MACROD2: variants seen among roughly 807,000 people sequenced by gnomAD.
MACROD2 encodes mono-ADP ribosylhydrolase 2.
In MACROD2, 36 loss-of-function variants were observed where a neutral mutation model predicts 70.4. The observed-to-expected ratio is 0.51, with a 90% CI of 0.39 to 0.68. The LOEUF (loss-of-function observed/expected upper bound fraction) is 0.68. Among genes scored for constraint, MACROD2 ranks in the 30% least tolerant of loss-of-function variants. The probability of loss-of-function intolerance (pLI) is 0.00; values close to 1 mark genes in which losing one functional copy is unlikely to be tolerated. For missense variants in MACROD2, 496 were observed against 538.4 expected (o/e 0.92, Z 0.78); for synonymous variants, 172 against 178.8 (o/e 0.96, Z 0.30).
chr20:15,853,981 G>A (rs145977282), intron 8 of MACROD2, among the ~76,000 whole-genome samples: 1 of 152,226 alleles, frequency 6.6e-6, no homozygotes, highest in East Asian at 1.9e-4. Context: ...ACAGGCAGCT[G>A]CTTCCATGGA....
At chr20:14,625,292 A>T (rs754337021) in intron 4 of MACROD2, among the ~76,000 whole-genome samples, 2 of 152,074 alleles carry the variant, frequency 1.3e-5, no homozygotes, top group South Asian at 4.2e-4. Flanking sequence ...GTGCCATTTA[A>T]CTCTAGCCTG....
intron 5 of MACROD2, among the ~76,000 whole-genome samples, chr20:15,021,245 T>TGTGC (rs2075176399): frequency 2.0e-4 from 2 of 10,114 alleles, no homozygotes; most frequent in Admixed American, 9.4e-4. Flanking sequence ...CACACCTGTG[T>TGTGC]GTATGTATAC....
intron 3 of MACROD2, among the ~76,000 whole-genome samples, chr20:14,392,515 T>A (rs1202284419): frequency 6.6e-6 from 1 of 152,206 alleles, no homozygotes; most frequent in Non-Finnish European, 1.5e-5. Flanking sequence ...TTATATATGA[T>A]AATTAAATAC....
rs367906654 is a variant in MACROD2 at position 14,785,667 on chromosome 20, C to T, written c.418+100708C>T. ...CCAAATTACTGTGACTTAAAGTCAACGTAGTATTATTTTTGCTTCTTATTG... is the reference window on the plus strand; with the variant it reads ...CCAAATTACTGTGACTTAAAGTCAATGTAGTATTATTTTTGCTTCTTATTG... On this transcript the variant is annotated intron_variant, in intron 5 of 17. Transcript: ENST00000684519. Among the ~76,000 whole-genome samples, 62 of 152,142 alleles carry T rather than the reference C, an allele frequency of 4.1e-4. 2 individuals are homozygous for T. Among genetic ancestry groups the T allele is most frequent in the African/African-American group, 1.3e-3 (56 of 41,492 alleles).
chr20:15,119,393 C>T (rs2076014776), intron 5 of MACROD2, among the ~76,000 whole-genome samples: 1 of 152,156 alleles, frequency 6.6e-6, no homozygotes, highest in Non-Finnish European at 1.5e-5. Context: ...TGTACATCTA[C>T]ACCTAGCTGG....
intron 8 of MACROD2, among the ~76,000 whole-genome samples, chr20:15,862,152 A>T (rs935039448): frequency 5.9e-5 from 9 of 152,228 alleles, no homozygotes; most frequent in Non-Finnish European, 5.9e-5. Context: ...AATAATATCT[A>T]CAAAATTAAA....
chr20:16,035,106 T>TA lies in MACROD2; in HGVS notation c.1154-6094dup, dbSNP rs1568725834. Reference sequence around the variant, plus strand: ...ATGTAATATAAAATATTATATATTATATATAAAATATAATATAAAATATTA... The same window carrying TA: ...ATGTAATATAAAATATTATATATTATAATATAAAATATAATATAAAATATTA... On this transcript the variant is annotated intron_variant, in intron 15 of 17. Transcript: ENST00000684519. Among the ~76,000 whole-genome samples the TA allele has an allele frequency of 5.8e-4, 43 of 73,680 alleles. 2 individuals are homozygous for TA. The highest frequency in any genetic ancestry group is 1.2e-3 in the East Asian group (4 of 3,398). 48.3% of individuals were successfully genotyped at this position (73,680 alleles called of 152,430 possible). A position where few individuals can be genotyped will look rare whatever the true frequency, so the allele number is the denominator to read the frequency against.
At chr20:14,982,371 A>G (rs1291933780) in intron 5 of MACROD2, among the ~76,000 whole-genome samples, 1 of 152,216 alleles carries the variant, frequency 6.6e-6, no homozygotes, top group Non-Finnish European at 1.5e-5. Context: ...AGAAATTTGC[A>G]TAAGTAATGA....
intron 5 of MACROD2, among the ~76,000 whole-genome samples, chr20:14,708,155 A>G (rs1212083516): frequency 6.6e-6 from 1 of 152,232 alleles, no homozygotes; most frequent in Non-Finnish European, 1.5e-5. Context: ...CTTGGTAAGC[A>G]CTGTTAACAT....
intron 4 of MACROD2, among the ~76,000 whole-genome samples, chr20:14,615,910 C>G (rs1983452154): frequency 6.6e-6 from 1 of 151,086 alleles, no homozygotes; most frequent in Non-Finnish European, 1.5e-5. Context: ...TGACAGCAGA[C>G]AAAATGTTTC....
intron 3 of MACROD2, among the ~76,000 whole-genome samples, chr20:14,151,531 A>G (rs565715651): frequency 3.1e-4 from 47 of 152,272 alleles, no homozygotes; most frequent in Middle Eastern, 6.8e-3. Context: ...CAGCCACAAA[A>G]CTGTGCCTTC....
intron 5 of MACROD2, among the ~76,000 whole-genome samples, chr20:15,090,524 A>T (rs946199400): frequency 6.6e-6 from 1 of 152,138 alleles, no homozygotes; most frequent in African/African-American, 2.4e-5. Context: ...AGCCACATAA[A>T]TGTGGCACAA....
At position 14,835,242 on chromosome 20, in the gene MACROD2, G is replaced by A. The variant is rs1035472814; in HGVS notation, c.418+150283G>A. On this transcript the variant is annotated intron_variant, in intron 5 of 17. Coordinates refer to ENST00000684519, the MANE Select transcript of MACROD2 (RefSeq NM_001351661.2). ...AGTCAACCTCCCTGGACAGGTTCAG[G>A]AATCAGAGGATGAAGGAAAGAGGAT... Among the ~76,000 whole-genome samples the A allele has an allele frequency of 5.3e-5, 8 of 152,000 alleles. No homozygotes were observed. In the East Asian group the frequency reaches 1.4e-3, roughly 26 times the overall value.
At chr20:14,850,444 T>G (rs1157793347) in intron 5 of MACROD2, 3 of 153,040 alleles carry the variant, frequency 2.0e-5, no homozygotes, top group African/African-American at 7.2e-5. Context: ...GCTGACTTCC[T>G]TCAGGTGAAA....
chr20:14,742,231 G>A (rs2071741693), intron 5 of MACROD2, among the ~76,000 whole-genome samples: 1 of 152,130 alleles, frequency 6.6e-6, no homozygotes, highest in South Asian at 2.1e-4. Flanking sequence ...TAAATGGAGT[G>A]TGAATCCTGA....
At chr20:14,181,370 C>CT (rs973816462) in intron 3 of MACROD2, among the ~76,000 whole-genome samples, 4 of 151,982 alleles carry the variant, frequency 2.6e-5, no homozygotes, top group African/African-American at 9.7e-5. Context: ...GCCTGGCCCT[C>CT]TGTCATTTCT....
At chr20:14,852,119 C>T (rs754097903) in intron 5 of MACROD2, among the ~76,000 whole-genome samples, 3 of 152,098 alleles carry the variant, frequency 2.0e-5, no homozygotes, top group Non-Finnish European at 4.4e-5. Flanking sequence ...CTCTGGAACA[C>T]TCCATGAGGG....
chr20:15,663,344 T>A (rs1016010819), intron 8 of MACROD2, among the ~76,000 whole-genome samples: 33 of 151,806 alleles, frequency 2.2e-4, no homozygotes, highest in Admixed American at 4.6e-4. Flanking sequence ...AAGCGATTCT[T>A]GTGCCTCAGC....
chr20:14,625,503 C>T lies in MACROD2; in HGVS notation c.302-59340C>T, dbSNP rs564356710. Reference sequence around the variant, plus strand: ...CTAAAAATAAAATAGAGAAAATGACCGTAGTCATTGGCCACTCCAATGCTG... The same window carrying T: ...CTAAAAATAAAATAGAGAAAATGACTGTAGTCATTGGCCACTCCAATGCTG... On this transcript the variant is annotated intron_variant, in intron 4 of 17. Transcript: ENST00000684519. Among the ~76,000 whole-genome samples, 6 of 152,024 alleles carry T rather than the reference C, an allele frequency of 3.9e-5. No individual in the cohort carries two copies. In the South Asian group the frequency reaches 8.3e-4, roughly 21 times the overall value.
Sources: allele counts gnomAD v4.1 joint callset (sites outside exome capture counted in the v4.1 genomes callset), GRCh38; gene constraint gnomAD v4.1.1; transcripts MANE v1.5; gene names NCBI Gene and HGNC (gene_info 2026-07-23, HGNC 2026-07-21).